The following PTPRM variants were observed in gnomAD, a reference collection of about 807,000 sequenced individuals.
PTPRM encodes receptor-type tyrosine-protein phosphatase mu.
PTPRM carries 47 observed loss-of-function variants against 186.7 expected under a neutral mutation model. The observed-to-expected ratio is 0.25, with a 90% CI of 0.20 to 0.32. The LOEUF (loss-of-function observed/expected upper bound fraction) is 0.32, where lower values mean the gene tolerates loss of function less well. Among genes scored for constraint, PTPRM ranks in the 10% least tolerant of loss-of-function variants. The pLI is 1.00. For missense variants in PTPRM, 1,494 were observed against 1,865.0 expected, an observed-to-expected ratio of 0.80 and a Z score of 3.66; for synonymous variants, 668 against 674.9, an observed-to-expected ratio of 0.99 and a Z score of 0.16.
chr18:7,885,862 A>G (rs1009337835), intron 2 of PTPRM, among the ~76,000 whole-genome samples: 1 of 152,124 alleles, frequency 6.6e-6, no homozygotes, highest in Admixed American at 6.5e-5. Flanking sequence ...GTTTTGGAAA[A>G]CTGGGTGATT....
At chr18:8,390,744 C>T (rs548622620) in intron 31 of PTPRM, among the ~76,000 whole-genome samples, 15 of 151,942 alleles carry the variant, frequency 9.9e-5, no homozygotes, top group Admixed American at 8.5e-4. Flanking sequence ...CTGGCTAACA[C>T]GGTGAAACCC....
intron 4 of PTPRM, among the ~76,000 whole-genome samples, chr18:7,925,800 C>A (rs2051140812): frequency 6.6e-6 from 1 of 152,200 alleles, no homozygotes; most frequent in Admixed American, 6.5e-5. Context: ...TAAGTCCTGA[C>A]TTACCGTCCT....
At chr18:7,999,294 G>A (rs1193911186) in intron 7 of PTPRM, among the ~76,000 whole-genome samples, 1 of 152,140 alleles carries the variant, frequency 6.6e-6, no homozygotes, top group African/African-American at 2.4e-5. Context: ...ACAGACAGTG[G>A]CACTGGCTAG....
At chr18:8,239,170 A>G (rs1316677185) in intron 14 of PTPRM, among the ~76,000 whole-genome samples, 2 of 102,502 alleles carry the variant, frequency 2.0e-5, no homozygotes, top group Admixed American at 1.5e-4. Context: ...AAGAGTCCCC[A>G]GAGTGTGATG....
At chr18:7,900,507 G>A (rs1229062191) in intron 3 of PTPRM, among the ~76,000 whole-genome samples, 4 of 152,208 alleles carry the variant, frequency 2.6e-5, no homozygotes, top group African/African-American at 4.8e-5. Flanking sequence ...AAATCTGGAT[G>A]TAAAAATTTT....
At chr18:8,088,610 G>A in intron 10 of PTPRM, 139 bp from the exon 11 acceptor site, 1 of 666,294 alleles carries the variant, frequency 1.5e-6, no homozygotes, top group South Asian at 1.8e-5. Context: ...TATATGTGAA[G>A]CTTGCTCGTG....
intron 32 of PTPRM, 55 bp downstream of exon 32, chr18:8,394,666 A>G: frequency 6.8e-7 from 1 of 1,466,258 alleles, no homozygotes; most frequent in Non-Finnish European, 9.1e-7. Context: ...ATTAGAATCC[A>G]CTCCAGCTCC....
intron 4 of PTPRM, among the ~76,000 whole-genome samples, chr18:7,907,957 A>C (rs891153016): frequency 6.6e-6 from 1 of 151,276 alleles, no homozygotes; most frequent in African/African-American, 2.4e-5. Context: ...ATATGGATTT[A>C]CTACATTCTA....
intron 1 of PTPRM, among the ~76,000 whole-genome samples, chr18:7,674,957 C>T (rs191378545): frequency 1.8e-4 from 27 of 152,248 alleles, no homozygotes; most frequent in African/African-American, 5.5e-4. Context: ...ATTTAGGCGC[C>T]GACTCTTTCC....
intron 2 of PTPRM, among the ~76,000 whole-genome samples, chr18:7,851,642 CAAAAAA>C (rs58055625): frequency 6.7e-6 from 1 of 149,840 alleles, no homozygotes; most frequent in South Asian, 2.1e-4. Context: ...AACAAAAAAA[CAAAAAA>C]AAAAACTGAG....
chr18:8,321,661 G>T (rs985840369), intron 22 of PTPRM, among the ~76,000 whole-genome samples: 1 of 152,188 alleles, frequency 6.6e-6, no homozygotes, highest in Non-Finnish European at 1.5e-5. Flanking sequence ...TTACCAGGTC[G>T]TGGCAGCCTT....
At chr18:8,085,262 G>C (rs918423917) in intron 9 of PTPRM, among the ~76,000 whole-genome samples, 1 of 151,980 alleles carries the variant, frequency 6.6e-6, no homozygotes. Context: ...AATAGGTAAT[G>C]ATCCTAAGTC....
At chr18:7,806,153 G>C (rs1031379779) in intron 2 of PTPRM, among the ~76,000 whole-genome samples, 1 of 152,108 alleles carries the variant, frequency 6.6e-6, no homozygotes, top group East Asian at 1.9e-4. Flanking sequence ...CTGGGCCCTA[G>C]CTTTCCCTTT....
intron 11 of PTPRM, among the ~76,000 whole-genome samples, chr18:8,092,517 C>T (rs1454018775): frequency 1.3e-5 from 2 of 152,054 alleles, no homozygotes; most frequent in Non-Finnish European, 2.9e-5. Flanking sequence ...GAGGCTGAAG[C>T]GATCCCCCTG....
At chr18:7,657,333 A>G (rs79799786) in intron 1 of PTPRM, among the ~76,000 whole-genome samples, 2,340 of 152,310 alleles carry the variant, frequency 0.015, 55 homozygotes, top group African/African-American at 0.053. Flanking sequence ...GGGCCTCTCC[A>G]TCCTTCTGAG....
rs148323799 is a variant in PTPRM at position 7,825,333 on chromosome 18, G to A, written c.196+51062G>A. On this transcript the variant is annotated intron_variant, in intron 2 of 32. Coordinates refer to ENST00000580170, the MANE Select transcript of PTPRM (RefSeq NM_001105244.2). ...CCATGCAGAGGACTACTATGAGATT[G>A]CTTAGACTTCGCTATTTAATAAATG... Among the ~76,000 whole-genome samples the A allele has an allele frequency of 3.9e-5, 6 of 152,242 alleles. No individual in the cohort carries two copies. In the East Asian group the frequency reaches 1.2e-3, roughly 29 times the overall value.
chr18:8,080,474 GA>G (rs1337410496), intron 9 of PTPRM, among the ~76,000 whole-genome samples: 1 of 152,144 alleles, frequency 6.6e-6, no homozygotes, highest in East Asian at 1.9e-4. Flanking sequence ...TAGAAAGAAT[GA>G]AATGAGTTCC....
chr18:7,600,981 GACA>G (rs1049863447), intron 1 of PTPRM, among the ~76,000 whole-genome samples: 3 of 152,206 alleles, frequency 2.0e-5, no homozygotes, highest in Non-Finnish European at 4.4e-5. Context: ...GCTTGGAGAA[GACA>G]ACAATTCTCC....
At chr18:8,264,776 A>G (rs2094680585) in intron 19 of PTPRM, among the ~76,000 whole-genome samples, 1 of 59,284 alleles carries the variant, frequency 1.7e-5, no homozygotes, top group Non-Finnish European at 3.6e-5. Context: ...CTCCATCTCA[A>G]AAAAAAAAAA....
Sources: allele counts gnomAD v4.1 joint callset (sites outside exome capture counted in the v4.1 genomes callset), GRCh38; gene constraint gnomAD v4.1.1; transcripts MANE v1.5; gene names NCBI Gene and HGNC (gene_info 2026-07-23, HGNC 2026-07-21).